Variants in SAMD12 observed in about 807,000 individuals in gnomAD.
SAMD12 encodes the protein sterile alpha motif domain-containing protein 12.
A neutral mutation model predicts 15.0 loss-of-function variants in SAMD12; 9 were observed. That is an observed-to-expected ratio of 0.60 (90% CI 0.36 to 1.05). The LOEUF (loss-of-function observed/expected upper bound fraction) is 1.05, where lower values mean the gene tolerates loss of function less well. SAMD12 is among the 50% of genes least tolerant of loss of function. The pLI is 0.01. For synonymous variants in SAMD12, 86 were observed against 90.1 expected (o/e 0.96, Z 0.25); for missense variants, 230 against 234.2 (o/e 0.98, Z 0.12).
At chr8:118,224,673 A>G (rs1313359094) in intron 4 of SAMD12, among the ~76,000 whole-genome samples, 1 of 152,236 alleles carries the variant, frequency 6.6e-6, no homozygotes, top group Non-Finnish European at 1.5e-5. Flanking sequence ...AAAGCTTTAA[A>G]TTTTATATGT....
At chr8:118,482,291 A>G (rs1824148266) in intron 2 of SAMD12, among the ~76,000 whole-genome samples, 1 of 152,188 alleles carries the variant, frequency 6.6e-6, no homozygotes, top group African/African-American at 2.4e-5. Flanking sequence ...CTAGAGTTAC[A>G]GAGACTTTTT....
exon 5 of SAMD12, chr8:118,190,494 C>T (rs1449236131): frequency 7.3e-6 from 1 of 137,086 alleles, no homozygotes; most frequent in Non-Finnish European, 1.6e-5. Flanking sequence ...AGACTAGCCT[C>T]ATATATTAGA....
chr8:118,236,366 AT>A (rs1812430492), intron 4 of SAMD12, among the ~76,000 whole-genome samples: 1 of 152,174 alleles, frequency 6.6e-6, no homozygotes, highest in African/African-American at 2.4e-5. Flanking sequence ...TAAGAATTAA[AT>A]ACAGCCCAAA....
chr8:118,536,291 C>G (rs555573557), intron 2 of SAMD12, among the ~76,000 whole-genome samples: 37 of 152,230 alleles, frequency 2.4e-4, no homozygotes, highest in African/African-American at 8.7e-4. Context: ...CTTTAAAATG[C>G]TTTCCTTGCC....
intron 4 of SAMD12, among the ~76,000 whole-genome samples, chr8:118,336,635 A>G (rs1008575097): frequency 2.6e-5 from 4 of 152,164 alleles, no homozygotes; most frequent in Non-Finnish European, 4.4e-5. Flanking sequence ...TTACAGTCCC[A>G]CCAACAGTGT....
At chr8:118,184,174 AAAT>A in the SAMD12 span, among the ~76,000 whole-genome samples, 4 of 151,834 alleles carry the variant, frequency 2.6e-5, no homozygotes, top group African/African-American at 7.3e-5. Context: ...AAATAAAAAA[AAAT>A]ATATAAAACC....
At chr8:118,137,241 G>A in the SAMD12 span, among the ~76,000 whole-genome samples, 10 of 152,192 alleles carry the variant, frequency 6.6e-5, no homozygotes, top group African/African-American at 1.9e-4. Flanking sequence ...CCAATAAGAG[G>A]CTGAAGTGAA....
chr8:118,574,749 T>C (rs548993927), intron 2 of SAMD12, among the ~76,000 whole-genome samples: 1 of 152,338 alleles, frequency 6.6e-6, no homozygotes, highest in South Asian at 2.1e-4. Context: ...TGCTTGTCTC[T>C]TGTTCTGACC....
chr8:118,350,244 C>A lies in SAMD12; in HGVS notation c.433+29316G>T, dbSNP rs566081402. ...CAGTAAGGCTAAGAAAAGAAAGGAA[C>A]TTGACCAAGGTCCCATAGTAGGGAG... is the stretch of plus-strand genomic sequence containing the variant. On this transcript the variant is annotated intron_variant, in intron 4 of 4. Transcript: ENST00000409003. 2.6e-5 allele frequency among the ~76,000 whole-genome samples: 4 copies of A among 152,314 alleles called. No individual in the cohort carries two copies. The South Asian group carries it at 8.3e-4, about 32-fold the overall frequency.
At chr8:118,607,239 C>CTT (rs35374950) in intron 1 of SAMD12, among the ~76,000 whole-genome samples, 6 of 149,660 alleles carry the variant, frequency 4.0e-5, no homozygotes, top group South Asian at 2.1e-4. Context: ...CCCAAATGTC[C>CTT]TTTTTTTTTT....
intron 2 of SAMD12, among the ~76,000 whole-genome samples, chr8:118,556,274 T>G (rs887383591): frequency 6.6e-6 from 1 of 152,218 alleles, no homozygotes; most frequent in African/African-American, 2.4e-5. Flanking sequence ...TAATCCAATG[T>G]TCATCTTTTT....
intron 3 of SAMD12, among the ~76,000 whole-genome samples, chr8:118,418,344 G>A (rs998203170): frequency 6.6e-6 from 1 of 152,096 alleles, no homozygotes; most frequent in Non-Finnish European, 1.5e-5. Context: ...CTTTTTAAAT[G>A]TACTAAAAAC....
At chr8:118,343,366 G>T (rs1052290498) in intron 4 of SAMD12, among the ~76,000 whole-genome samples, 1 of 144,880 alleles carries the variant, frequency 6.9e-6, no homozygotes, top group Admixed American at 7.1e-5. Context: ...GTTTTGGAGG[G>T]GGGGAATCGT....
At chr8:118,558,857 G>A (rs923375742) in intron 2 of SAMD12, among the ~76,000 whole-genome samples, 6 of 152,016 alleles carry the variant, frequency 3.9e-5, no homozygotes, top group African/African-American at 1.4e-4. Context: ...GCGCCCGGCC[G>A]ACACTGAGCT....
At chr8:118,562,366 G>A (rs765348340) in intron 2 of SAMD12, among the ~76,000 whole-genome samples, 2 of 152,070 alleles carry the variant, frequency 1.3e-5, no homozygotes, top group African/African-American at 2.4e-5. Flanking sequence ...CACCAGAAGA[G>A]GGGTGCTGAA....
At chr8:118,210,851 C>T (rs746229220) in intron 4 of SAMD12, among the ~76,000 whole-genome samples, 5 of 152,212 alleles carry the variant, frequency 3.3e-5, no homozygotes, top group African/African-American at 9.7e-5. Flanking sequence ...CAAAGCCTAT[C>T]TCTCCCTGCT....
chr8:118,581,772 C>A (rs1183099099), intron 1 of SAMD12, among the ~76,000 whole-genome samples: 1 of 152,154 alleles, frequency 6.6e-6, no homozygotes, highest in Non-Finnish European at 1.5e-5. Context: ...GTGCAGATGG[C>A]AGGTATGTGT....
the SAMD12 span, among the ~76,000 whole-genome samples, chr8:118,143,294 CAA>C: frequency 3.0e-4 from 45 of 152,056 alleles, no homozygotes; most frequent in African/African-American, 1.1e-3. Context: ...TATAGGACCC[CAA>C]GTCAATTTAC....
At chr8:118,490,935 G>GA (rs10713600) in intron 2 of SAMD12, among the ~76,000 whole-genome samples, 2,666 of 147,532 alleles carry the variant, frequency 0.018, 81 homozygotes, top group African/African-American at 0.059. Context: ...AAAGAAGTGG[G>GA]AAAAAAAAAA....
Sources: allele counts gnomAD v4.1 joint callset (sites outside exome capture counted in the v4.1 genomes callset), GRCh38; gene constraint gnomAD v4.1.1; transcripts MANE v1.5; gene names NCBI Gene and HGNC (gene_info 2026-07-23, HGNC 2026-07-21).